Variants in FAM13A observed in about 807,000 individuals in gnomAD.
FAM13A encodes protein FAM13A.
A neutral mutation model predicts 129.6 loss-of-function variants in FAM13A; 76 were observed. That is an observed-to-expected ratio of 0.59 (90% confidence interval 0.49 to 0.71). The LOEUF is 0.71. Among genes scored for constraint, FAM13A ranks in the 30% least tolerant of loss-of-function variants. FAM13A has a pLI of 0.00. For synonymous variants in FAM13A, 443 were observed against 449.9 expected (o/e 0.98, Z 0.20); for missense variants, 1,108 against 1,249.3 (o/e 0.89, Z 1.70).
chr4:88,794,697 A>G (rs1188931117), intron 8 of FAM13A, among the ~76,000 whole-genome samples: 2 of 151,856 alleles, frequency 1.3e-5, no homozygotes, highest in Admixed American at 6.6e-5. Flanking sequence ...CAAAATTATC[A>G]GTTTCTCTAG....
Position 88,728,540 on chromosome 4 carries a change from G to C in FAM13A, c.3065C>G (p.Ser1022Cys). ...LISKRDTDSK[S>C]M ...TGTGCTTGGCCATGCCCCTCACATG[G>C]ACTTGGAATCAGTGTCTCTCTTGCT... Residue 1022 changes from serine (S) to cysteine (C), a missense_variant, in exon 24 of 24, where the codon TCC becomes TGC. This residue lies in a region of FAM13A where 529 missense variants were observed against 621.2 expected (regional missense o/e 0.85). Coordinates refer to ENST00000264344, the MANE Select transcript of FAM13A (RefSeq NM_014883.4). 6.2e-7 allele frequency: 1 copy of C among 1,614,174 alleles called. No individual in the cohort carries two copies. The highest frequency in any genetic ancestry group is 1.7e-4 in the Middle Eastern group (1 of 6,048).
At chr4:88,966,420 T>C (rs1211877464) in intron 4 of FAM13A, among the ~76,000 whole-genome samples, 1 of 152,274 alleles carries the variant, frequency 6.6e-6, no homozygotes, top group African/African-American at 2.4e-5. Flanking sequence ...CTAAACTAAA[T>C]TGAAGTTTCA....
chr4:88,887,210 C>T (rs549345334), intron 6 of FAM13A, among the ~76,000 whole-genome samples: 1 of 152,128 alleles, frequency 6.6e-6, no homozygotes, highest in East Asian at 1.9e-4. Context: ...AATAGGTGCA[C>T]CAAAATCTCA....
chr4:88,935,677 T>C (rs1255735754), intron 5 of FAM13A, among the ~76,000 whole-genome samples: 1 of 152,214 alleles, frequency 6.6e-6, no homozygotes, highest in Non-Finnish European at 1.5e-5. Context: ...AGTTTCTATC[T>C]AATGTTTCTA....
At chr4:88,970,413 G>C (rs1360669869) in intron 4 of FAM13A, among the ~76,000 whole-genome samples, 1 of 150,996 alleles carries the variant, frequency 6.6e-6, no homozygotes, top group Non-Finnish European at 1.5e-5. Context: ...AAAGGTCTTG[G>C]AAACAAGAGA....
Position 88,746,951 on chromosome 4 carries a change from T to C in FAM13A, c.2447A>G (p.Glu816Gly). ...VALQKALLYY[E>G]SIHGRPVTKN... ...ACATACCGGCCGTCCATGAATGCTTTCATAATATAACAGAGCTTTCTGCAG... is the reference window on the plus strand; with the variant it reads ...ACATACCGGCCGTCCATGAATGCTTCCATAATATAACAGAGCTTTCTGCAG... Residue 816 changes from glutamate to glycine, a missense_variant, in exon 19 of 24, where the codon GAA (glutamate) becomes GGA (glycine). Around this residue, in one of 3 missense-constraint regions of FAM13A, gnomAD observed 529 missense variants for 621.2 expected, o/e 0.85. Coordinates refer to ENST00000264344, the MANE Select transcript of FAM13A (RefSeq NM_014883.4). 1 of 1,613,292 alleles carries C rather than the reference T, an allele frequency of 6.2e-7. No homozygotes were observed. The highest frequency in any genetic ancestry group is 1.1e-5 in the South Asian group (1 of 91,058).
intron 4 of FAM13A, among the ~76,000 whole-genome samples, chr4:88,964,359 G>T (rs1759056952): frequency 6.6e-6 from 1 of 152,034 alleles, no homozygotes; most frequent in South Asian, 2.1e-4. Flanking sequence ...GTTTCTATAA[G>T]AAAGATACAA....
intron 4 of FAM13A, among the ~76,000 whole-genome samples, chr4:88,979,552 A>C (rs1761375096): frequency 6.6e-6 from 1 of 152,148 alleles, no homozygotes; most frequent in Non-Finnish European, 1.5e-5. Context: ...ACGTGAAGAG[A>C]TAATAATAGT....
chr4:88,900,586 C>T (rs893785055), intron 6 of FAM13A, among the ~76,000 whole-genome samples: 2 of 152,112 alleles, frequency 1.3e-5, no homozygotes, highest in African/African-American at 4.8e-5. Flanking sequence ...CCTTTGCAGA[C>T]AAGCAAATTC....
chr4:89,056,085 G>A (rs1772169588), intron 1 of FAM13A, among the ~76,000 whole-genome samples: 1 of 152,150 alleles, frequency 6.6e-6, no homozygotes, highest in Non-Finnish European at 1.5e-5. Flanking sequence ...TAAGGAAGAA[G>A]ATATTTCTCA....
At chr4:88,909,606 C>T (rs1336062404) in intron 5 of FAM13A, among the ~76,000 whole-genome samples, 1 of 152,038 alleles carries the variant, frequency 6.6e-6, no homozygotes, top group Non-Finnish European at 1.5e-5. Flanking sequence ...CCTGTCTCAG[C>T]CTCTGGAGTA....
chr4:88,972,118 A>T (rs1011467076), intron 4 of FAM13A, among the ~76,000 whole-genome samples: 1 of 148,232 alleles, frequency 6.7e-6, no homozygotes, highest in Non-Finnish European at 1.5e-5. Flanking sequence ...TAAGAAAAAT[A>T]TTTTTTTTTA....
intron 15 of FAM13A, 81 bp from the exon 16 acceptor site, chr4:88,749,990 A>C: frequency 6.7e-7 from 1 of 1,494,304 alleles, no homozygotes; most frequent in East Asian, 2.3e-5. Flanking sequence ...GTGGGACACC[A>C]TGTGGCATGC....
intron 5 of FAM13A, among the ~76,000 whole-genome samples, chr4:88,913,406 A>G (rs192782893): frequency 7.1e-6 from 1 of 140,268 alleles, no homozygotes. Flanking sequence ...AAAGAAGAAG[A>G]AGTAGTAGAA....
rs1196715680 is a variant in FAM13A, at chr4:88,988,687, A to T, written c.605+2286T>A. Among the ~76,000 whole-genome samples the T allele has an allele frequency of 2.0e-5, 3 of 152,208 alleles. No homozygotes were observed. The South Asian group carries it at 6.2e-4, about 32-fold the overall frequency. On this transcript the variant is annotated intron_variant, in intron 4 of 23. Transcript: ENST00000264344. ...AAACCAGTTAAGTTCTAGTAAATTG[A>T]TAAATATGAAAATAGGAGTTAATGA... is the stretch of plus-strand genomic sequence containing the variant.
chr4:88,860,011 CCT>C (rs1739225412), intron 6 of FAM13A, among the ~76,000 whole-genome samples: 1 of 152,106 alleles, frequency 6.6e-6, no homozygotes, highest in Admixed American at 6.6e-5. Flanking sequence ...CTTCTTTCCC[CCT>C]CCCTTGCTGC....
chr4:88,889,001 T>G (rs973731701), intron 6 of FAM13A, among the ~76,000 whole-genome samples: 7 of 149,950 alleles, frequency 4.7e-5, no homozygotes, highest in Non-Finnish European at 1.5e-5. Flanking sequence ...GAAAGCTGCA[T>G]AGTTGAAGGA....
chr4:88,915,498 T>C (rs1406069542), intron 5 of FAM13A, among the ~76,000 whole-genome samples: 1 of 152,204 alleles, frequency 6.6e-6, no homozygotes, highest in East Asian at 1.9e-4. Context: ...AACAATAATA[T>C]TCACAGGTAG....
intron 7 of FAM13A, among the ~76,000 whole-genome samples, chr4:88,829,970 G>A (rs1291390365): frequency 6.6e-6 from 1 of 152,148 alleles, no homozygotes; most frequent in African/African-American, 2.4e-5. Context: ...TTGGATATGG[G>A]AAATAAAGAA....
Sources: gnomAD v4.1 joint callset for allele counts (sites outside exome capture counted in the v4.1 genomes callset) on GRCh38, gnomAD v4.1.1 for gene constraint, gnomAD v4.1.1 regional missense constraint, MANE v1.5 for transcripts, NCBI Gene and HGNC (gene_info 2026-07-23, HGNC 2026-07-21) for gene names.